The following CERKL variants were observed in gnomAD, a reference collection of about 807,000 sequenced individuals.
The protein encoded by CERKL is ceramide kinase-like protein.
Under a neutral mutation model 63.4 loss-of-function variants are expected in CERKL, and 61 were observed. The ratio of observed to expected loss-of-function variants is 0.96; its 90% CI spans 0.78 to 1.19. The LOEUF is 1.19. Among genes scored for constraint, CERKL ranks in the 50% most tolerant of loss-of-function variants. The pLI is 0.00. For missense variants in CERKL, 675 were observed against 655.5 expected (o/e 1.03, Z -0.33); for synonymous variants, 250 against 230.5 (o/e 1.08, Z -0.77).
intron 1 of CERKL, among the ~76,000 whole-genome samples, chr2:181,634,801 T>C (rs1559116868): frequency 6.6e-6 from 1 of 152,186 alleles, no homozygotes; most frequent in Non-Finnish European, 1.5e-5. Flanking sequence ...TACCCGCTAG[T>C]TAAGCAATAA....
At position 181,538,004 on chromosome 2, in the gene CERKL, A is replaced by G. The variant is rs1282434806; in HGVS notation, c.*180T>C. Reference sequence around the variant, plus strand: ...CTAGAGTGCCATGTTCCTCAAGAGAATCTAATGCCTGATGATCTGAGGTGG... The same window carrying G: ...CTAGAGTGCCATGTTCCTCAAGAGAGTCTAATGCCTGATGATCTGAGGTGG... On this transcript the variant is annotated 3_prime_UTR_variant, in exon 13 of 13. Transcript: ENST00000410087. The G allele has an allele frequency of 5.9e-6, 4 of 682,476 alleles. No homozygotes were observed. The highest frequency in any genetic ancestry group is 1.1e-5 in the Non-Finnish European group (4 of 363,920). The allele number at this position is 682,476 out of a possible 1,614,324, so 42.3% of individuals were successfully genotyped here.
At chr2:181,553,904 T>C (rs1688095592) in intron 5 of CERKL, among the ~76,000 whole-genome samples, 2 of 152,184 alleles carry the variant, frequency 1.3e-5, no homozygotes, top group South Asian at 4.1e-4. Context: ...TTTGAAAAGA[T>C]GTCTACATGC....
intron 1 of CERKL, among the ~76,000 whole-genome samples, chr2:181,607,531 G>A (rs1377547917): frequency 6.6e-6 from 1 of 152,146 alleles, no homozygotes. Context: ...TTCCCTTAAG[G>A]AAGAATATAT....
At chr2:181,585,154 T>A (rs1032344662) in intron 2 of CERKL, among the ~76,000 whole-genome samples, 1 of 152,092 alleles carries the variant, frequency 6.6e-6, no homozygotes, top group African/African-American at 2.4e-5. Flanking sequence ...CTTGACATAA[T>A]AGAAATACAT....
At chr2:181,583,991 G>A (rs758788947) in intron 2 of CERKL, among the ~76,000 whole-genome samples, 11 of 152,096 alleles carry the variant, frequency 7.2e-5, no homozygotes, top group Non-Finnish European at 1.6e-4. Context: ...TCTATTTTTA[G>A]AGCTACACAC....
chr2:181,619,290 T>C (rs1044820636), intron 1 of CERKL, among the ~76,000 whole-genome samples: 2 of 151,782 alleles, frequency 1.3e-5, no homozygotes, highest in Non-Finnish European at 2.9e-5. Context: ...ACAGAAAACA[T>C]GACCTTAATG....
At chr2:181,653,663 CAT>C (rs1304430750) in intron 1 of CERKL, among the ~76,000 whole-genome samples, 4 of 152,188 alleles carry the variant, frequency 2.6e-5, no homozygotes, top group South Asian at 2.1e-4. Context: ...ACAAATACCA[CAT>C]GTCACTCACA....
intron 1 of CERKL, among the ~76,000 whole-genome samples, chr2:181,605,891 A>G (rs192223012): frequency 6.6e-6 from 1 of 152,162 alleles, no homozygotes; most frequent in Admixed American, 6.5e-5. Context: ...TGGAGTGAGG[A>G]TGTTCATATG....
intron 1 of CERKL, 112 bp from the exon 2 acceptor site, chr2:181,604,191 A>G: frequency 1.2e-6 from 1 of 822,960 alleles, no homozygotes. Context: ...GGATCAAGAA[A>G]AATAACTAAT....
At chr2:181,572,446 T>C (rs1195202087) in intron 3 of CERKL, among the ~76,000 whole-genome samples, 10 of 152,188 alleles carry the variant, frequency 6.6e-5, no homozygotes, top group Non-Finnish European at 1.5e-4. Context: ...AGCTGCTTTG[T>C]AGTATTCACA....
In CERKL at chr2:181,538,302, A is replaced by AT. The variant is rs1353751293; in HGVS notation, c.1539-59dup. The AT allele has an allele frequency of 4.0e-6, 4 of 987,776 alleles. No homozygotes were observed. The African/African-American group carries it at 6.4e-5, about 16-fold the overall frequency. 61.2% of individuals were successfully genotyped at this position (987,776 alleles called of 1,614,324 possible). A position where few individuals can be genotyped will look rare whatever the true frequency, so the allele number is the denominator to read the frequency against. ...TTTTGTTGTTTTTCACATACACCTAATAAGTATGGTACACAATGCCAATGC... is the reference window on the plus strand; with the variant it reads ...TTTTGTTGTTTTTCACATACACCTAATTAAGTATGGTACACAATGCCAATGC... On this transcript the variant is annotated intron_variant, in intron 12 of 12. Coordinates refer to ENST00000410087, the MANE Select transcript of CERKL (RefSeq NM_201548.5).
rs776212343 is a variant in CERKL, at chr2:181,537,693, A to G, written c.*491T>C. Reference sequence around the variant, plus strand: ...AATTATCTAGGTTAAATATTGATGTATTATGATGGTTGCAAAGTTTTTTTG... The same window carrying G: ...AATTATCTAGGTTAAATATTGATGTGTTATGATGGTTGCAAAGTTTTTTTG... On this transcript the variant is annotated 3_prime_UTR_variant, in exon 13 of 13. Coordinates refer to ENST00000410087, the MANE Select transcript of CERKL (RefSeq NM_201548.5). 3 of 431,810 alleles carry G rather than the reference A, an allele frequency of 6.9e-6. No individual in the cohort carries two copies. The highest frequency in any genetic ancestry group is 5.0e-5 in the South Asian group (3 of 60,306). The allele number at this position is 431,810 out of a possible 1,614,324, so 26.7% of individuals were successfully genotyped here. A position where few individuals can be genotyped will look rare whatever the true frequency, so the allele number is the denominator to read the frequency against.
chr2:181,537,603 A>G lies in CERKL; in HGVS notation c.*581T>C, dbSNP rs1030461615. On this transcript the variant is annotated 3_prime_UTR_variant, in exon 13 of 13. Coordinates refer to ENST00000410087, the MANE Select transcript of CERKL (RefSeq NM_201548.5). Reference sequence around the variant, plus strand: ...ATCTGTATTATATTTGTAACAGAATATAGGAAATTTAACATAATTGATGAG... The same window carrying G: ...ATCTGTATTATATTTGTAACAGAATGTAGGAAATTTAACATAATTGATGAG... 9.3e-6 allele frequency: 4 copies of G among 430,518 alleles called. No individual in the cohort carries two copies. The highest frequency in any genetic ancestry group is 1.8e-5 in the Non-Finnish European group (4 of 219,122). The allele number at this position is 430,518 out of a possible 1,614,324, so 26.7% of individuals were successfully genotyped here.
At chr2:181,538,289 T>C (rs1687301001) in intron 12 of CERKL, 45 bp from the exon 13 acceptor site, 3 of 1,138,136 alleles carry the variant, frequency 2.6e-6, no homozygotes, top group African/African-American at 3.1e-5. Context: ...TTGTTGTTTT[T>C]CACATACACC....
chr2:181,613,695 A>G (rs1183650106), intron 1 of CERKL, among the ~76,000 whole-genome samples: 1 of 152,240 alleles, frequency 6.6e-6, no homozygotes. Flanking sequence ...ATGTATAACA[A>G]TAGACAAATG....
At chr2:181,606,732 C>T (rs1685734838) in intron 1 of CERKL, among the ~76,000 whole-genome samples, 1 of 152,112 alleles carries the variant, frequency 6.6e-6, no homozygotes. Context: ...TGACCTAAAA[C>T]TCAACACCCT....
intron 12 of CERKL, among the ~76,000 whole-genome samples, chr2:181,538,759 C>T (rs1687337665): frequency 6.6e-6 from 1 of 152,078 alleles, no homozygotes; most frequent in Non-Finnish European, 1.5e-5. Context: ...TCAGATGGCT[C>T]CACTAAAAGA....
intron 12 of CERKL, among the ~76,000 whole-genome samples, chr2:181,538,603 A>G (rs867967918): frequency 6.6e-6 from 1 of 152,146 alleles, no homozygotes. Context: ...ACCTGTTTAT[A>G]CCAGTTGCTA....
chr2:181,648,732 C>T (rs904716478), intron 1 of CERKL, among the ~76,000 whole-genome samples: 1 of 152,156 alleles, frequency 6.6e-6, no homozygotes, highest in Non-Finnish European at 1.5e-5. Context: ...ACAACAGCTA[C>T]AATGGCTAGG....
Sources: gnomAD v4.1 joint callset for allele counts (sites outside exome capture counted in the v4.1 genomes callset) on GRCh38, gnomAD v4.1.1 for gene constraint, MANE v1.5 for transcripts, NCBI Gene and HGNC (gene_info 2026-07-23, HGNC 2026-07-21) for gene names.